The following SAXO2 variants were observed in gnomAD, a reference collection of about 807,000 sequenced individuals.
SAXO2 encodes the protein family with sequence similarity 154, member B.
SAXO2 carries 17 observed loss-of-function variants against 18.7 expected under a neutral mutation model. The ratio of observed to expected loss-of-function variants is 0.91; its 90% CI spans 0.62 to 1.36. The LOEUF (loss-of-function observed/expected upper bound fraction) is 1.36. Among genes scored for constraint, SAXO2 ranks in the 40% most tolerant of loss-of-function variants. The pLI, the probability that SAXO2 is intolerant of heterozygous loss-of-function variation, is 0.00. For missense variants in SAXO2, 486 were observed against 562.6 expected (o/e 0.86, Z 1.38); for synonymous variants, 163 against 181.2 (o/e 0.90, Z 0.81).
intron 2 of SAXO2, among the ~76,000 whole-genome samples, chr15:82,268,989 C>T (rs992984836): frequency 6.6e-6 from 1 of 152,108 alleles, no homozygotes; most frequent in Non-Finnish European, 1.5e-5. Context: ...CCCTCTAGTT[C>T]GTATTTGGGA....
intron 2 of SAXO2, among the ~76,000 whole-genome samples, chr15:82,270,413 G>C (rs762948220): frequency 6.6e-6 from 1 of 152,152 alleles, no homozygotes; most frequent in Non-Finnish European, 1.5e-5. Context: ...AAAAATGTTC[G>C]ATGAATTTAA....
chr15:82,278,657 C>T (rs1293293056), intron 3 of SAXO2, among the ~76,000 whole-genome samples: 4 of 151,944 alleles, frequency 2.6e-5, no homozygotes, highest in Non-Finnish European at 5.9e-5. Flanking sequence ...TATTCAGAGT[C>T]ATAAAAAAAA....
At position 82,282,980 on chromosome 15, in the gene SAXO2, C is replaced by T. The variant is rs1362728460; in HGVS notation, c.1295C>T (p.Pro432Leu). ...ATTTGCCCAGCCAGCTATCCCTCTC[C>T]TCCAGGTTATATTTTCGACAATACA... ...QEICPASYPS[P>L]PGYIFDNTNS... Residue 432 changes from proline (P) to leucine (L), a missense_variant, in exon 4 of 4, where the codon CCT becomes CTT. By Grantham distance (98) the Pro-to-Leu change is moderately conservative (BLOSUM62 -3). Transcript: ENST00000682753. The T allele has an allele frequency of 3.7e-6, 6 of 1,614,102 alleles. No homozygotes were observed. The highest frequency in any genetic ancestry group is 1.1e-5 in the South Asian group (1 of 91,064).
intron 2 of SAXO2, among the ~76,000 whole-genome samples, chr15:82,269,062 C>A (rs183238231): frequency 7.8e-4 from 119 of 152,278 alleles, no homozygotes; most frequent in Admixed American, 3.2e-3. Context: ...TACTCTTCAT[C>A]CATTAAATAA....
chr15:82,279,950 G>C (rs1399311587), intron 3 of SAXO2, among the ~76,000 whole-genome samples: 1 of 152,136 alleles, frequency 6.6e-6, no homozygotes, highest in Non-Finnish European at 1.5e-5. Context: ...CATAAAAAGT[G>C]AGCTGAGGAA....
Position 82,262,855 on chromosome 15 carries a change from G to C in SAXO2, c.-25G>C. On this transcript the variant is annotated 5_prime_UTR_variant, in exon 1 of 4. Transcript: ENST00000682753. ...CGCTGTGGGAGTGGAGAAGCTGCAA[G>C]TGCTGAGGCGCGGTGGAGGAAAGCA... is the stretch of plus-strand genomic sequence containing the variant. 1.9e-6 allele frequency: 3 copies of C among 1,573,754 alleles called. No individual in the cohort carries two copies. Among genetic ancestry groups the C allele is most frequent in the Middle Eastern group, 1.7e-4 (1 of 6,008 alleles).
intron 3 of SAXO2, among the ~76,000 whole-genome samples, chr15:82,272,940 C>T (rs1567091342): frequency 6.6e-6 from 1 of 151,412 alleles, no homozygotes; most frequent in Non-Finnish European, 1.5e-5. Flanking sequence ...GAGTCCCACT[C>T]TGTTGCCCAG....
rs1263651350 is a variant in SAXO2 at position 82,277,299 on chromosome 15, A to C, written c.434-4820A>C. 3.9e-5 allele frequency among the ~76,000 whole-genome samples: 6 copies of C among 152,336 alleles called. No homozygotes were observed. The East Asian group carries it at 1.2e-3, about 29-fold the overall frequency. Reference sequence around the variant, plus strand: ...CAGCTAGATCATTGCATTAAGTGTAAATGAACAAAATATTGTGATTAAAAT... The same window carrying C: ...CAGCTAGATCATTGCATTAAGTGTACATGAACAAAATATTGTGATTAAAAT... On this transcript the variant is annotated intron_variant, in intron 3 of 3. Transcript: ENST00000682753.
chr15:82,264,897 G>A (rs2075200108), intron 1 of SAXO2: 4 of 600,774 alleles, frequency 6.7e-6, no homozygotes, highest in Non-Finnish European at 1.2e-5. Context: ...CTCTCCTTAT[G>A]TAGCTCTCTT....
chr15:82,264,206 G>T (rs1236792327), intron 1 of SAXO2, among the ~76,000 whole-genome samples: 1 of 151,350 alleles, frequency 6.6e-6, no homozygotes, highest in East Asian at 1.9e-4. Flanking sequence ...TGAGTAGCTG[G>T]GATTACAGGC....
intron 2 of SAXO2, among the ~76,000 whole-genome samples, chr15:82,269,912 G>A (rs564450692): frequency 6.6e-6 from 1 of 152,298 alleles, no homozygotes; most frequent in South Asian, 2.1e-4. Flanking sequence ...TATAAAGGGT[G>A]AGTCCTAGAT....
intron 3 of SAXO2, among the ~76,000 whole-genome samples, chr15:82,276,846 A>G (rs1427268947): frequency 6.6e-6 from 1 of 152,236 alleles, no homozygotes; most frequent in Non-Finnish European, 1.5e-5. Context: ...TTCTTCAGTT[A>G]AAAGGAAACT....
chr15:82,270,760 A>G (rs1285323536), intron 2 of SAXO2, among the ~76,000 whole-genome samples: 1 of 152,222 alleles, frequency 6.6e-6, no homozygotes, highest in Non-Finnish European at 1.5e-5. Context: ...GCATGTGTGT[A>G]TATCCTTAAA....
At chr15:82,263,408 G>A (rs2075162104) in intron 1 of SAXO2, 1 of 715,394 alleles carries the variant, frequency 1.4e-6, no homozygotes, top group South Asian at 1.5e-5. Flanking sequence ...CCAGGCAGCA[G>A]TTCTTTGGGA....
In SAXO2 at chr15:82,265,645, G is replaced by T. The variant is rs915036138; in HGVS notation, c.130G>T (p.Glu44Ter). 11 of 1,483,040 alleles carry T rather than the reference G, an allele frequency of 7.4e-6. No individual in the cohort carries two copies. The Admixed American group carries it at 2.5e-4, about 34-fold the overall frequency. The allele number at this position is 1,483,040 out of a possible 1,614,324, so 91.9% of individuals were successfully genotyped here. ...GTTTTGCCCTACAACTGAATATTTG[G>T]AAAAATATCCTATGTATGACAATGT... ...GVFCPTTEYL[E>*]KYPMYDNVLP... The change falls in exon 2 of 4, where the codon GAA (glutamate) becomes TAA (stop). Residue 44 changes from glutamate (E) to a stop codon, truncating the protein, a stop_gained. Transcript: ENST00000682753. LOFTEE classifies it high-confidence loss of function.
In SAXO2 at chr15:82,265,760, G is replaced by A; in HGVS notation, c.233+12G>A. On this transcript the variant is annotated intron_variant, in intron 2 of 3. Transcript: ENST00000682753. ...ATAACTACATTTAAGTAAATATTTA[G>A]TAACTATTTGCTTTACTTATTTTTC... 6.6e-7 allele frequency: 1 copy of A among 1,508,632 alleles called. No individual in the cohort carries two copies. Among genetic ancestry groups the A allele is most frequent in the African/African-American group, 1.4e-5 (1 of 71,302 alleles). The allele number at this position is 1,508,632 out of a possible 1,614,324, so 93.5% of individuals were successfully genotyped here. A position where few individuals can be genotyped will look rare whatever the true frequency, so the allele number is the denominator to read the frequency against.
chr15:82,277,571 G>T (rs891066700), intron 3 of SAXO2, among the ~76,000 whole-genome samples: 2 of 152,158 alleles, frequency 1.3e-5, no homozygotes, highest in Non-Finnish European at 2.9e-5. Flanking sequence ...GATGCAGAAG[G>T]CTAGAAAGAT....
At chr15:82,270,000 G>A (rs908529895) in intron 2 of SAXO2, among the ~76,000 whole-genome samples, 32 of 152,122 alleles carry the variant, frequency 2.1e-4, no homozygotes, top group African/African-American at 7.5e-4. Flanking sequence ...CATTTATTGA[G>A]GGGAAATAGC....
chr15:82,265,481 T>C (rs2075207855), intron 1 of SAXO2, 88 bp from the exon 2 acceptor site: 1 of 1,018,582 alleles, frequency 9.8e-7, no homozygotes, highest in Non-Finnish European at 1.3e-6. Context: ...AATTTAGAAA[T>C]TGTGAGTTTA....
Sources: gnomAD v4.1 joint callset for allele counts (sites outside exome capture counted in the v4.1 genomes callset) on GRCh38, gnomAD v4.1.1 for gene constraint, MANE v1.5 for transcripts, NCBI Gene and HGNC (gene_info 2026-07-23, HGNC 2026-07-21) for gene names.